Variants in IFT140 observed in about 807,000 individuals in gnomAD.
IFT140 encodes intraflagellar transport 140, also known as intraflagellar transport protein 140 homolog.
A neutral mutation model predicts 164.6 loss-of-function variants in IFT140; 133 were observed. That is an observed-to-expected ratio of 0.81 (90% CI 0.70 to 0.93). The LOEUF is 0.93. IFT140 is among the 40% of genes least tolerant of loss of function. The probability of loss-of-function intolerance (pLI) is 0.00; values close to 1 mark genes in which losing one functional copy is unlikely to be tolerated. For synonymous variants in IFT140, 860 were observed against 817.3 expected, an observed-to-expected ratio of 1.05 and a Z score of -0.89; for missense variants, 2,045 against 1,972.3, an observed-to-expected ratio of 1.04 and a Z score of -0.70.
At chr16:1,582,773 C>T (rs113168957) in intron 12 of IFT140, among the ~76,000 whole-genome samples, 377 of 152,322 alleles carry the variant, frequency 2.5e-3, no homozygotes, top group African/African-American at 8.3e-3. Context: ...TGTGGTGGCA[C>T]GCACCTGTAA....
At chr16:1,582,976 AAGTTT>A (rs2034655963) in intron 12 of IFT140, among the ~76,000 whole-genome samples, 1 of 152,208 alleles carries the variant, frequency 6.6e-6, no homozygotes, top group Non-Finnish European at 1.5e-5. Context: ...AGCCACCTTG[AAGTTT>A]CAGACAGAGG....
chr16:1,522,352 G>C (rs192046919), intron 26 of IFT140, among the ~76,000 whole-genome samples: 6 of 152,012 alleles, frequency 3.9e-5, no homozygotes, highest in Admixed American at 3.9e-4. Flanking sequence ...GAGAGACTCT[G>C]TCTCAAAATA....
In IFT140 at chr16:1,526,934, T is replaced by C; in HGVS notation, c.2400-138A>G. The C allele has an allele frequency of 4.2e-6, 4 of 958,840 alleles. No homozygotes were observed. In the South Asian group the frequency reaches 7.0e-5, roughly 17 times the overall value. The allele number at this position is 958,840 out of a possible 1,614,324, so 59.4% of individuals were successfully genotyped here. A position where few individuals can be genotyped will look rare whatever the true frequency, so the allele number is the denominator to read the frequency against. ...TGAGGAGGGGCCTTCACCCATCGGC[T>C]CCGCCCCTGGGCAAGACTGCAGGCC... is the stretch of plus-strand genomic sequence containing the variant. On this transcript the variant is annotated intron_variant, in intron 19 of 30. Coordinates refer to ENST00000426508, the MANE Select transcript of IFT140 (RefSeq NM_014714.4).
chr16:1,602,702 G>GA, intron 3 of IFT140, 111 bp from the exon 4 acceptor site: 1 of 964,508 alleles, frequency 1.0e-6, no homozygotes, highest in Non-Finnish European at 1.6e-6. Context: ...AGCACTTTGG[G>GA]AGGCTGAGGT....
Position 1,611,999 on chromosome 16 carries a change from C to G in IFT140, c.-253G>C, listed in dbSNP as rs1291956200. The G allele has an allele frequency of 3.3e-5, 5 of 152,240 alleles. No individual in the cohort carries two copies. The highest frequency in any genetic ancestry group is 1.2e-4 in the African/African-American group (5 of 41,442). The allele number at this position is 152,240 out of a possible 1,614,324, so 9.4% of individuals were successfully genotyped here. On this transcript the variant is annotated 5_prime_UTR_variant, in exon 1 of 31. Coordinates refer to ENST00000426508, the MANE Select transcript of IFT140 (RefSeq NM_014714.4). ...AGACGTGCTTCCACACTTCTCAGAA[C>G]TCAGGTTCGCGCCCGATTCCACACT... is the stretch of plus-strand genomic sequence containing the variant.
intron 1 of IFT140, among the ~76,000 whole-genome samples, chr16:1,611,700 A>G (rs2859314): frequency 0.41 from 61,495 of 148,996 alleles, 17,134 homozygotes; most frequent in African/African-American, 0.79. Context: ...TGTAATTCCA[A>G]CTACTCGGGA....
intron 7 of IFT140, among the ~76,000 whole-genome samples, chr16:1,589,250 G>C (rs2035052972): frequency 1.3e-5 from 2 of 152,192 alleles, no homozygotes; most frequent in African/African-American, 2.4e-5. Flanking sequence ...CGGGGATACG[G>C]TCGCCTGCCC....
In IFT140 at chr16:1,527,528, G is replaced by A. The variant is rs371671067; in HGVS notation, c.2400-732C>T. On this transcript the variant is annotated intron_variant, in intron 19 of 30. Transcript: ENST00000426508. ...CAGGGTGCCAAGTGGGCAGAGCTGCGTCAGGGCACAGGTGCAGGGACGGTG... is the reference window on the plus strand; with the variant it reads ...CAGGGTGCCAAGTGGGCAGAGCTGCATCAGGGCACAGGTGCAGGGACGGTG... 4.6e-5 allele frequency among the ~76,000 whole-genome samples: 7 copies of A among 152,318 alleles called. No individual in the cohort carries two copies. In the South Asian group the frequency reaches 6.2e-4, roughly 14 times the overall value.
rs1218914210 is a variant in IFT140 at position 1,531,895 on chromosome 16, G to A, written c.2400-5099C>T. On this transcript the variant is annotated intron_variant, in intron 19 of 30. Transcript: ENST00000426508. The surrounding 1 kb of genome is among the most constrained non-coding windows in gnomAD (Gnocchi z 4.7). ...GAGCGGGCCGCTGAGACAATCAAAC[G>A]TGTCCTCTGGGCTCTGAAACCCAGC... is the stretch of plus-strand genomic sequence containing the variant. The A allele has an allele frequency of 1.3e-5, 2 of 152,258 alleles. No homozygotes were observed. Among genetic ancestry groups the A allele is most frequent in the African/African-American group, 4.8e-5 (2 of 41,460 alleles). The allele number at this position is 152,258 out of a possible 1,614,324, so 9.4% of individuals were successfully genotyped here. A position where few individuals can be genotyped will look rare whatever the true frequency, so the allele number is the denominator to read the frequency against.
At chr16:1,560,640 G>C (rs982631770) in intron 18 of IFT140, among the ~76,000 whole-genome samples, 1 of 152,244 alleles carries the variant, frequency 6.6e-6, no homozygotes, top group Non-Finnish European at 1.5e-5. Flanking sequence ...ATGCAGGGCT[G>C]CCTGTCCTTC....
At chr16:1,594,343 C>A (rs764749190) in intron 4 of IFT140, among the ~76,000 whole-genome samples, 9 of 151,994 alleles carry the variant, frequency 5.9e-5, no homozygotes, top group Non-Finnish European at 1.0e-4. Flanking sequence ...ACCTCAGCCT[C>A]CCGAGTAGCT....
At chr16:1,603,252 C>A (rs1457145267) in intron 3 of IFT140, among the ~76,000 whole-genome samples, 1 of 152,092 alleles carries the variant, frequency 6.6e-6, no homozygotes, top group Non-Finnish European at 1.5e-5. Context: ...TCTACAAAAA[C>A]CACCAGCGAG....
intron 6 of IFT140, among the ~76,000 whole-genome samples, chr16:1,591,335 A>G (rs1216294726): frequency 6.6e-6 from 1 of 151,978 alleles, no homozygotes; most frequent in Non-Finnish European, 1.5e-5. Context: ...CCCCACTGGG[A>G]TCTTCTCAAT....
At chr16:1,602,267 A>G in intron 4 of IFT140, 103 bp downstream of exon 4, 2 of 1,021,780 alleles carry the variant, frequency 2.0e-6, no homozygotes, top group Non-Finnish European at 3.0e-6. Flanking sequence ...AGATCAACTG[A>G]ATTTGGCAAC....
In IFT140 at chr16:1,510,666, G is replaced by T. The variant is rs886051705; in HGVS notation, c.*278C>A. ...CTCAGGCTTTACAATGTGTAGTTGG[G>T]AGAATACGATGGAAGGGTGAACCCG... On this transcript the variant is annotated 3_prime_UTR_variant, in exon 31 of 31. Transcript: ENST00000426508. The T allele has an allele frequency of 1.8e-6, 1 of 547,474 alleles. No individual in the cohort carries two copies. The highest frequency in any genetic ancestry group is 2.1e-5 in the South Asian group (1 of 48,592). The allele number at this position is 547,474 out of a possible 1,614,324, so 33.9% of individuals were successfully genotyped here. A position where few individuals can be genotyped will look rare whatever the true frequency, so the allele number is the denominator to read the frequency against.
chr16:1,576,052 G>A (rs1236052763), intron 13 of IFT140, among the ~76,000 whole-genome samples: 1 of 152,130 alleles, frequency 6.6e-6, no homozygotes, highest in Admixed American at 6.6e-5. Context: ...TTGGGAGACT[G>A]AGGCGGGTGG....
At chr16:1,525,056 G>A (rs1012389579) in intron 22 of IFT140, 140 bp from the exon 23 acceptor site, 1 of 1,339,730 alleles carries the variant, frequency 7.5e-7, no homozygotes, top group Non-Finnish European at 1.0e-6. Flanking sequence ...AGGACCCCTG[G>A]CTTTGTCCAA....
rs1346453208 is a variant in IFT140 at position 1,548,375 on chromosome 16, G to T, written c.2399+9560C>A. ...CCTGTGACAGAAGCTGAAGCCCCAA[G>T]AAGCCGCAGGAAGGAAAGGAGAGGG... On this transcript the variant is annotated intron_variant, in intron 19 of 30. Coordinates refer to ENST00000426508, the MANE Select transcript of IFT140 (RefSeq NM_014714.4). 2.0e-5 allele frequency among the ~76,000 whole-genome samples: 3 copies of T among 152,222 alleles called. No homozygotes were observed. In the East Asian group the frequency reaches 5.8e-4, roughly 29 times the overall value.
rs867693892 is a variant in IFT140 at position 1,551,960 on chromosome 16, G to A, written c.2399+5975C>T. On this transcript the variant is annotated intron_variant, in intron 19 of 30. Coordinates refer to ENST00000426508, the MANE Select transcript of IFT140 (RefSeq NM_014714.4). This position sits in a 1 kb window ranked among gnomAD's most constrained non-coding sequence, Gnocchi z 4.0. ...GCCTCTCCCTGGTGACGTGTGGCCC[G>A]CGCTGTCCCCCTGCAATGACGGTAC... Among the ~76,000 whole-genome samples the A allele has an allele frequency of 1.6e-4, 24 of 152,092 alleles. No individual in the cohort carries two copies. Among genetic ancestry groups the A allele is most frequent in the Non-Finnish European group, 4.4e-5 (3 of 68,010 alleles).
Sources: allele counts gnomAD v4.1 joint callset (sites outside exome capture counted in the v4.1 genomes callset), GRCh38; gene constraint gnomAD v4.1.1; non-coding constraint Gnocchi (gnomAD v3.1); transcripts MANE v1.5; gene names NCBI Gene and HGNC (gene_info 2026-07-23, HGNC 2026-07-21).